The following LUZP1 variants were observed in gnomAD, a reference collection of about 807,000 sequenced individuals.
LUZP1 encodes filamin mechanobinding actin cross-linking protein.
Under a neutral mutation model 71.3 loss-of-function variants are expected in LUZP1, and 25 were observed. The ratio of observed to expected loss-of-function variants is 0.35; its 90% CI spans 0.26 to 0.49. The LOEUF (loss-of-function observed/expected upper bound fraction) is 0.49. LUZP1 is among the 20% of genes least tolerant of loss of function. The pLI is 0.99. For synonymous variants in LUZP1, 481 were observed against 506.4 expected (o/e 0.95, Z 0.67); for missense variants, 1,142 against 1,300.8 (o/e 0.88, Z 1.88).
chr1:23,163,555 TAAAAAAA>T (rs57231452), intron 2 of LUZP1, among the ~76,000 whole-genome samples: 3 of 119,178 alleles, frequency 2.5e-5, no homozygotes, highest in African/African-American at 9.7e-5. Context: ...TCCCGTCTCT[TAAAAAAA>T]AAAAAAAAAA....
chr1:23,094,323 T>C lies in LUZP1; in HGVS notation c.-62A>G. On this transcript the variant is annotated 5_prime_UTR_variant, in exon 4 of 5. Transcript: ENST00000302291. The surrounding 1 kb of genome is among the most constrained non-coding windows in gnomAD (Gnocchi z 4.7). ...CAATTCCACTCAAGGGGATGAGAAATGGTTACCTTTCTCTTGGCAACCACA... is the reference window on the plus strand; with the variant it reads ...CAATTCCACTCAAGGGGATGAGAAACGGTTACCTTTCTCTTGGCAACCACA... The C allele has an allele frequency of 6.6e-7, 1 of 1,513,200 alleles. No individual in the cohort carries two copies. Among genetic ancestry groups the C allele is most frequent in the East Asian group, 2.3e-5 (1 of 43,526 alleles). The allele number at this position is 1,513,200 out of a possible 1,614,324, so 93.7% of individuals were successfully genotyped here. A position where few individuals can be genotyped will look rare whatever the true frequency, so the allele number is the denominator to read the frequency against.
chr1:23,137,740 C>A (rs1644266304), intron 2 of LUZP1, among the ~76,000 whole-genome samples: 1 of 152,090 alleles, frequency 6.6e-6, no homozygotes, highest in African/African-American at 2.4e-5. Flanking sequence ...GAAACTGGAA[C>A]CCTCATAGAT....
chr1:23,167,518 C>T (rs571700000), intron 2 of LUZP1, among the ~76,000 whole-genome samples: 61 of 152,246 alleles, frequency 4.0e-4, no homozygotes, highest in African/African-American at 1.4e-3. Context: ...TTCTGGAAAT[C>T]ACACTACAGG....
intron 2 of LUZP1, among the ~76,000 whole-genome samples, chr1:23,120,531 A>AT (rs943292685): frequency 1.3e-5 from 2 of 149,528 alleles, no homozygotes; most frequent in African/African-American, 4.9e-5. Context: ...TTTTATTTTT[A>AT]TTTTTTTGTA....
chr1:23,176,924 C>G (rs773068798), intron 1 of LUZP1, among the ~76,000 whole-genome samples: 1 of 152,136 alleles, frequency 6.6e-6, no homozygotes, highest in Non-Finnish European at 1.5e-5. Context: ...CTCTGTCACC[C>G]AGGCTGCAGT....
intron 1 of LUZP1, among the ~76,000 whole-genome samples, chr1:23,175,594 C>A (rs771960754): frequency 1.3e-5 from 2 of 152,162 alleles, no homozygotes; most frequent in Admixed American, 1.3e-4. Flanking sequence ...ATTTCTGATC[C>A]CTTTCTGTCC....
At chr1:23,118,574 G>C (rs751398739) in intron 2 of LUZP1, among the ~76,000 whole-genome samples, 1 of 152,244 alleles carries the variant, frequency 6.6e-6, no homozygotes, top group East Asian at 1.9e-4. Context: ...CCAAACAGAA[G>C]AATGTATGTG....
intron 2 of LUZP1, 71 bp from the exon 2 acceptor site, chr1:23,109,198 A>AG (rs2124637424): frequency 6.6e-6 from 1 of 152,384 alleles, no homozygotes; most frequent in Non-Finnish European, 1.5e-5. Context: ...GGTGACCCAG[A>AG]GGGCTGTCCC....
chr1:23,133,295 T>G (rs1644228715), intron 2 of LUZP1, among the ~76,000 whole-genome samples: 1 of 152,214 alleles, frequency 6.6e-6, no homozygotes, highest in Non-Finnish European at 1.5e-5. Context: ...AGGCAGATAT[T>G]AAGAACTATA....
chr1:23,163,827 A>G (rs1644488654), intron 2 of LUZP1: 1 of 152,164 alleles, frequency 6.6e-6, no homozygotes, highest in Non-Finnish European at 1.5e-5. Flanking sequence ...ATCATACCTG[A>G]GCTCGAATCA....
chr1:23,091,153 G>A (rs751135624), intron 4 of LUZP1, 37 bp downstream of exon 3: 5 of 1,549,392 alleles, frequency 3.2e-6, no homozygotes, highest in Non-Finnish European at 4.4e-6. Flanking sequence ...GGAAAAGGGA[G>A]GGAGAAAAGA....
intron 2 of LUZP1, among the ~76,000 whole-genome samples, chr1:23,151,775 G>A (rs757582941): frequency 6.6e-6 from 1 of 152,080 alleles, no homozygotes; most frequent in Non-Finnish European, 1.5e-5. Flanking sequence ...AGGCCAGGGC[G>A]GGTGGATCAC....
rs1227571412 is a variant in LUZP1 at position 23,092,718 on chromosome 1, G to A, written c.1544C>T (p.Thr515Ile). 2.5e-6 allele frequency: 4 copies of A among 1,613,990 alleles called. No individual in the cohort carries two copies. The African/African-American group carries it at 5.3e-5, about 22-fold the overall frequency. Residue 515 changes from threonine to isoleucine, a missense_variant, in exon 4 of 5, where the codon ACC becomes ATC. Thr to Ile is a moderately conservative substitution (Grantham distance 89). Coordinates refer to ENST00000302291, the Ensembl canonical transcript of LUZP1. ...TGGGTCACTGGGAACAGATCCATGG[G>A]TGGTGTCACTAAACGTTCGTGTTGT... is the stretch of plus-strand genomic sequence containing the variant.
intron 2 of LUZP1, among the ~76,000 whole-genome samples, chr1:23,136,013 C>G (rs1644250177): frequency 6.6e-6 from 1 of 152,092 alleles, no homozygotes; most frequent in Non-Finnish European, 1.5e-5. Flanking sequence ...ATTATACAAC[C>G]TGACCCAGAA....
At chr1:23,174,757 G>A (rs1644572887) in intron 1 of LUZP1, among the ~76,000 whole-genome samples, 1 of 152,156 alleles carries the variant, frequency 6.6e-6, no homozygotes, top group Non-Finnish European at 1.5e-5. Context: ...AACAACAAAT[G>A]ATTACCCAGT....
At chr1:23,090,608 G>A (rs1405798712) in intron 4 of LUZP1, 1 of 538,390 alleles carries the variant, frequency 1.9e-6, no homozygotes, top group Non-Finnish European at 3.3e-6. Context: ...GATAATATGA[G>A]ACAGACAGCT....
Position 23,093,980 on chromosome 1 carries a change from C to T in LUZP1, c.282G>A (p.Glu94=), listed in dbSNP as rs759628474. Residue 94 remains glutamate, a synonymous_variant, in exon 4 of 5, where the codon GAG becomes GAA. Coordinates refer to ENST00000302291, the Ensembl canonical transcript of LUZP1. This position sits in a 1 kb window ranked among gnomAD's most constrained non-coding sequence, Gnocchi z 4.2. The stretch of plus-strand genomic sequence containing the variant: ...TGAGGTTTTCTTCCTCTTCAAGTTT[C>T]TCCTTCATCAGACGACACAGATCCT... The T allele has an allele frequency of 6.2e-7, 1 of 1,614,196 alleles. No homozygotes were observed. The highest frequency in any genetic ancestry group is 1.3e-5 in the African/African-American group (1 of 75,046).
exon 4 of LUZP1, chr1:23,091,425 G>A: frequency 6.2e-7 from 1 of 1,614,180 alleles, no homozygotes; most frequent in Non-Finnish European, 8.5e-7. Context: ...GCTATTGGTA[G>A]ATTCCACGTT....
chr1:23,092,331 A>C, exon 4 of LUZP1: 1 of 1,614,148 alleles, frequency 6.2e-7, no homozygotes. Flanking sequence ...TCGACACCTC[A>C]AGGCTTCATG....
Sources: gnomAD v4.1 joint callset for allele counts (sites outside exome capture counted in the v4.1 genomes callset) on GRCh38, gnomAD v4.1.1 for gene constraint, Gnocchi (gnomAD v3.1) non-coding constraint, MANE v1.5 for transcripts, NCBI Gene and HGNC (gene_info 2026-07-23, HGNC 2026-07-21) for gene names.